MDFIC2: variants seen among roughly 807,000 people sequenced by gnomAD.
The protein encoded by MDFIC2 is MyoD family inhibitor domain containing 2, also known as myoD family inhibitor domain-containing protein 2.
chr3:70,282,541 G>A lies in MDFIC2; in HGVS notation c.88+29345C>T, dbSNP rs143885129. 1.4e-3 allele frequency among the ~76,000 whole-genome samples: 212 copies of A among 152,234 alleles called. 3 individuals carry two copies. The East Asian group carries it at 0.033, about 24-fold the overall frequency. On this transcript the variant is annotated intron_variant, in intron 2 of 3. Transcript: ENST00000567252. ...CACTCAGCCTGGTTCATTCTATTTT[G>A]TTGGCTTTGAACATTCCAAGCAGTC...
chr3:70,285,040 A>C (rs186367415), intron 2 of MDFIC2, among the ~76,000 whole-genome samples: 101 of 147,444 alleles, frequency 6.9e-4, no homozygotes, highest in Admixed American at 2.0e-3. Flanking sequence ...TTTTTTACTT[A>C]TTTTTTTTTA....
chr3:70,272,317 A>G (rs1424828915), intron 2 of MDFIC2: 1 of 152,034 alleles, frequency 6.6e-6, no homozygotes, highest in East Asian at 1.9e-4. Context: ...CCAGGCAATC[A>G]CTTTCTGCTA....
intron 2 of MDFIC2, among the ~76,000 whole-genome samples, chr3:70,258,382 T>C (rs1057237650): frequency 7.9e-5 from 12 of 152,170 alleles, no homozygotes; most frequent in African/African-American, 2.7e-4. Flanking sequence ...ACAGTTCATT[T>C]ATTGGAAAAA....
At chr3:70,222,860 C>T (rs1701473166) in intron 2 of MDFIC2, among the ~76,000 whole-genome samples, 2 of 152,160 alleles carry the variant, frequency 1.3e-5, no homozygotes, top group Admixed American at 6.6e-5. Flanking sequence ...TAAAGGAATG[C>T]TATTTGCTAT....
At chr3:70,203,430 G>A (rs1043232361) in intron 3 of MDFIC2, among the ~76,000 whole-genome samples, 3 of 152,228 alleles carry the variant, frequency 2.0e-5, no homozygotes, top group African/African-American at 4.8e-5. Context: ...CATCCCTGAT[G>A]TTATCAATTT....
At chr3:70,197,342 C>A (rs1259576657) in intron 3 of MDFIC2, among the ~76,000 whole-genome samples, 157 bp from the exon 4 acceptor site, 1 of 152,168 alleles carries the variant, frequency 6.6e-6, no homozygotes, top group Non-Finnish European at 1.5e-5. Flanking sequence ...AGCTCCCCCA[C>A]CCCCATGTCA....
At chr3:70,253,370 G>A (rs979267615) in intron 2 of MDFIC2, among the ~76,000 whole-genome samples, 5 of 152,150 alleles carry the variant, frequency 3.3e-5, no homozygotes, top group African/African-American at 9.7e-5. Context: ...TGTGCAAGGG[G>A]CTGAGTGGAT....
chr3:70,241,079 G>A (rs1386884115), intron 2 of MDFIC2, among the ~76,000 whole-genome samples: 4 of 152,030 alleles, frequency 2.6e-5, no homozygotes, highest in Admixed American at 1.3e-4. Context: ...ATGTGACTGC[G>A]GTGACACTGA....
chr3:70,208,040 G>A (rs1399964545), intron 2 of MDFIC2, among the ~76,000 whole-genome samples: 8 of 152,070 alleles, frequency 5.3e-5, no homozygotes, highest in African/African-American at 1.9e-4. Context: ...ACAGGATTGA[G>A]AAGTGTATAA....
chr3:70,296,327 A>G (rs1256302683), intron 2 of MDFIC2, among the ~76,000 whole-genome samples: 1 of 152,124 alleles, frequency 6.6e-6, no homozygotes, highest in African/African-American at 2.4e-5. Context: ...TTACTAAGTA[A>G]GAGACTGAAA....
chr3:70,276,598 G>A (rs1451486438), intron 2 of MDFIC2, among the ~76,000 whole-genome samples: 1 of 152,116 alleles, frequency 6.6e-6, no homozygotes, highest in Non-Finnish European at 1.5e-5. Flanking sequence ...AGGATACCAT[G>A]GTGTATTTAC....
At chr3:70,215,470 G>T (rs1701399935) in intron 2 of MDFIC2, among the ~76,000 whole-genome samples, 1 of 152,056 alleles carries the variant, frequency 6.6e-6, no homozygotes, top group East Asian at 1.9e-4. Context: ...TTTTATGTAG[G>T]TTCAAACCTA....
chr3:70,249,543 C>G (rs1701739984), intron 2 of MDFIC2: 1 of 152,040 alleles, frequency 6.6e-6, no homozygotes, highest in Non-Finnish European at 1.5e-5. Context: ...TCTTTTATGC[C>G]TGCCCCTTTA....
chr3:70,199,979 T>A (rs952640235), intron 3 of MDFIC2, among the ~76,000 whole-genome samples: 2 of 152,176 alleles, frequency 1.3e-5, no homozygotes, highest in Non-Finnish European at 2.9e-5. Context: ...TCCTCCTACT[T>A]TCTTTTATGG....
chr3:70,282,251 T>C (rs972129288), intron 2 of MDFIC2, among the ~76,000 whole-genome samples: 2 of 152,154 alleles, frequency 1.3e-5, no homozygotes, highest in Non-Finnish European at 2.9e-5. Flanking sequence ...CAGTGAGCAA[T>C]GGGACCTAGA....
intron 2 of MDFIC2, among the ~76,000 whole-genome samples, chr3:70,257,071 C>A (rs929462510): frequency 1.3e-5 from 2 of 152,072 alleles, no homozygotes; most frequent in Non-Finnish European, 2.9e-5. Flanking sequence ...AGAGCATAGA[C>A]CATGAAAAAT....
At chr3:70,251,168 C>G (rs1449794648) in intron 2 of MDFIC2, among the ~76,000 whole-genome samples, 3 of 152,186 alleles carry the variant, frequency 2.0e-5, no homozygotes, top group African/African-American at 7.2e-5. Context: ...AAGGTGGTTT[C>G]TGCCCACATC....
chr3:70,239,041 T>C (rs1326662548), intron 2 of MDFIC2, among the ~76,000 whole-genome samples: 9 of 152,110 alleles, frequency 5.9e-5, no homozygotes, highest in Non-Finnish European at 2.9e-5. Context: ...TCTACAAAAA[T>C]GGCTTAAAAT....
chr3:70,290,649 C>G (rs532376003), intron 2 of MDFIC2, among the ~76,000 whole-genome samples: 96 of 152,316 alleles, frequency 6.3e-4, no homozygotes, highest in African/African-American at 2.2e-3. Flanking sequence ...GCGGGCGCCC[C>G]TCCCCTAGCC....
Sources: gnomAD v4.1 joint callset for allele counts (sites outside exome capture counted in the v4.1 genomes callset) on GRCh38, gnomAD v4.1.1 for gene constraint, MANE v1.5 for transcripts, NCBI Gene and HGNC (gene_info 2026-07-23, HGNC 2026-07-21) for gene names.